TANC1: variants seen among roughly 807,000 people sequenced by gnomAD.
TANC1 encodes the protein protein TANC1.
TANC1 carries 77 observed loss-of-function variants against 149.7 expected under a neutral mutation model. The ratio of observed to expected loss-of-function variants is 0.51; its 90% CI spans 0.43 to 0.62. The LOEUF is 0.62. Ranked by LOEUF, TANC1 falls within the 20% of genes least tolerant of loss-of-function variation. TANC1 has a pLI of 0.00. For missense variants in TANC1, 1,985 were observed against 2,321.8 expected (o/e 0.85, Z 2.98); for synonymous variants, 854 against 925.0 (o/e 0.92, Z 1.39).
chr2:159,193,800 C>T (rs755082629), intron 16 of TANC1, among the ~76,000 whole-genome samples: 9 of 152,098 alleles, frequency 5.9e-5, no homozygotes, highest in Non-Finnish European at 1.2e-4. Flanking sequence ...GAATTACAGG[C>T]GTGAGCCACC....
intron 4 of TANC1, among the ~76,000 whole-genome samples, chr2:159,106,299 C>T (rs1177614984): frequency 6.6e-6 from 1 of 152,210 alleles, no homozygotes; most frequent in Non-Finnish European, 1.5e-5. Context: ...AGTCATTTCA[C>T]ATTCCGCCCT....
At chr2:159,168,663 A>G (rs1489751798) in intron 8 of TANC1, among the ~76,000 whole-genome samples, 1 of 152,148 alleles carries the variant, frequency 6.6e-6, no homozygotes, top group African/African-American at 2.4e-5. Context: ...TCAGAGGTAA[A>G]CATAACTTAT....
At chr2:159,157,282 G>A (rs969742432) in intron 7 of TANC1, among the ~76,000 whole-genome samples, 7 of 152,198 alleles carry the variant, frequency 4.6e-5, no homozygotes, top group African/African-American at 1.2e-4. Flanking sequence ...TGTGGCCGCA[G>A]GTGAACCAGG....
intron 4 of TANC1, among the ~76,000 whole-genome samples, chr2:159,113,880 G>C (rs1250396927): frequency 6.6e-6 from 1 of 152,132 alleles, no homozygotes; most frequent in Non-Finnish European, 1.5e-5. Flanking sequence ...TTTGGACTTG[G>C]GTTAGCAAAT....
intron 16 of TANC1, among the ~76,000 whole-genome samples, chr2:159,192,048 A>G (rs574829502): frequency 6.6e-6 from 1 of 152,260 alleles, no homozygotes; most frequent in East Asian, 1.9e-4. Context: ...ATTATACCTA[A>G]AATTTGCGTA....
At chr2:159,219,656 T>C (rs1559482040) in intron 21 of TANC1, 36 bp from the exon 22 acceptor site, 1 of 1,613,202 alleles carries the variant, frequency 6.2e-7, no homozygotes. Context: ...TGTCATCTCA[T>C]AATGTTCATG....
rs752895113 is a variant in TANC1, at chr2:159,229,663, G to A, written c.4237G>A (p.Val1413Ile). The A allele has an allele frequency of 6.9e-5, 111 of 1,613,782 alleles. No individual in the cohort carries two copies. The highest frequency in any genetic ancestry group is 8.5e-5 in the Non-Finnish European group (100 of 1,179,996). Residue 1413 changes from valine to isoleucine, a missense_variant, in exon 27 of 27, where the codon GTA becomes ATA. Coordinates refer to ENST00000263635, the MANE Select transcript of TANC1 (RefSeq NM_033394.3). ...GGAAGTCAAGAGGCTTCTGGCCCGCGTAGAAGAGGAGTGCAAACAACTCCA... is the reference window on the plus strand; with the variant it reads ...GGAAGTCAAGAGGCTTCTGGCCCGCATAGAAGAGGAGTGCAAACAACTCCA... The part of the protein sequence containing the change: ...NQEVKRLLAR[V>I]EEECKQLQRS...
At chr2:159,114,976 G>A (rs2048089319) in intron 4 of TANC1, among the ~76,000 whole-genome samples, 1 of 152,182 alleles carries the variant, frequency 6.6e-6, no homozygotes, top group Non-Finnish European at 1.5e-5. Flanking sequence ...TTTTATACCA[G>A]TTTATTGAGC....
At chr2:159,173,878 G>C (rs2055539628) in intron 11 of TANC1, among the ~76,000 whole-genome samples, 1 of 152,178 alleles carries the variant, frequency 6.6e-6, no homozygotes, top group Admixed American at 6.5e-5. Flanking sequence ...ATTTACTTTT[G>C]CCACTTGCCT....
Position 159,097,740 on chromosome 2 carries a change from C to A in TANC1, c.165C>A (p.Ser55Arg). The change falls in exon 4 of 27, where the codon AGC becomes AGA. Residue 55 changes from serine to arginine, a missense_variant. By Grantham distance (110) the Ser-to-Arg change is moderately radical (BLOSUM62 -1). Around this residue, in one of 3 missense-constraint regions of TANC1, gnomAD observed 557 missense variants for 612.9 expected, o/e 0.91. Transcript: ENST00000263635. ...LPTAEDTYRVSLAKGVSMSLP... is the reference protein window; with the variant it reads ...LPTAEDTYRVRLAKGVSMSLP... ...CAGCAGAGGACACCTATAGGGTGAGCTTGGCCAAAGGTGTCTCGATGTCTC... is the reference window on the plus strand; with the variant it reads ...CAGCAGAGGACACCTATAGGGTGAGATTGGCCAAAGGTGTCTCGATGTCTC... The A allele has an allele frequency of 6.2e-7, 1 of 1,614,088 alleles. No individual in the cohort carries two copies. Among genetic ancestry groups the A allele is most frequent in the Non-Finnish European group, 8.5e-7 (1 of 1,180,002 alleles).
chr2:159,202,369 G>A (rs2058309369), intron 19 of TANC1, among the ~76,000 whole-genome samples: 1 of 152,170 alleles, frequency 6.6e-6, no homozygotes, highest in Admixed American at 6.5e-5. Context: ...TTTAGTTTAG[G>A]GTTTAGGGGT....
At chr2:159,025,019 C>G (rs549827668) in intron 2 of TANC1, among the ~76,000 whole-genome samples, 1 of 152,304 alleles carries the variant, frequency 6.6e-6, no homozygotes, top group Non-Finnish European at 1.5e-5. Flanking sequence ...CCTCTATCCC[C>G]ATCATTAAGC....
chr2:159,112,456 A>G lies in TANC1; in HGVS notation c.259+14622A>G, dbSNP rs932282691. Among the ~76,000 whole-genome samples, 13 of 150,930 alleles carry G rather than the reference A, an allele frequency of 8.6e-5. No homozygotes were observed. The East Asian group carries it at 2.3e-3, about 27-fold the overall frequency. ...TTTTTAGGAGAGACAGGATTTCACC[A>G]TGTTGCCCAGGCTGGTGTCAAACTC... On this transcript the variant is annotated intron_variant, in intron 4 of 26. Coordinates refer to ENST00000263635, the MANE Select transcript of TANC1 (RefSeq NM_033394.3).
At chr2:158,989,564 T>C (rs2035386538) in intron 1 of TANC1, among the ~76,000 whole-genome samples, 1 of 150,622 alleles carries the variant, frequency 6.6e-6, no homozygotes, top group Admixed American at 6.7e-5. Flanking sequence ...GAGCTATGAT[T>C]GTGCCACTGC....
Position 159,172,343 on chromosome 2 carries a change from T to G in TANC1, c.1503+71T>G, listed in dbSNP as rs529671122. On this transcript the variant is annotated intron_variant, in intron 11 of 26. Transcript: ENST00000263635. Reference sequence around the variant, plus strand: ...CTGGTTTGGTTTCTGAGAAGTAGATTGGAAAAGGGAGCTTAAAACAGAGAC... The same window carrying G: ...CTGGTTTGGTTTCTGAGAAGTAGATGGGAAAAGGGAGCTTAAAACAGAGAC... 1.1e-4 allele frequency: 166 copies of G among 1,468,354 alleles called. 1 individual carries two copies. Among genetic ancestry groups the G allele is most frequent in the South Asian group, 1.1e-3 (88 of 81,712 alleles). 91.0% of individuals were successfully genotyped at this position (1,468,354 alleles called of 1,614,324 possible).
chr2:159,186,845 G>A (rs1348014091), intron 15 of TANC1, 57 bp from the exon 16 acceptor site: 5 of 1,610,454 alleles, frequency 3.1e-6, no homozygotes, highest in Non-Finnish European at 1.7e-6. Flanking sequence ...GTGGGAAGGA[G>A]ATGCTCAGGC....
At chr2:159,071,641 G>A (rs1048938420) in intron 3 of TANC1, among the ~76,000 whole-genome samples, 9 of 152,214 alleles carry the variant, frequency 5.9e-5, no homozygotes, top group Admixed American at 3.9e-4. Flanking sequence ...CCAGGCTGCA[G>A]CCTGGCTTTC....
At chr2:159,188,114 A>G (rs2057151863) in intron 16 of TANC1, among the ~76,000 whole-genome samples, 1 of 152,040 alleles carries the variant, frequency 6.6e-6, no homozygotes, top group African/African-American at 2.4e-5. Context: ...AATTATTTCT[A>G]TAATGTGGTT....
At chr2:159,226,889 A>AGT (rs1311586539) in intron 24 of TANC1, 1 of 152,238 alleles carries the variant, frequency 6.6e-6, no homozygotes, top group Admixed American at 6.5e-5. Context: ...GGCCAGACTT[A>AGT]GTATCCAAGC....
Sources: gnomAD v4.1 joint callset for allele counts (sites outside exome capture counted in the v4.1 genomes callset) on GRCh38, gnomAD v4.1.1 for gene constraint, gnomAD v4.1.1 regional missense constraint, MANE v1.5 for transcripts, NCBI Gene and HGNC (gene_info 2026-07-23, HGNC 2026-07-21) for gene names.